The following USP32 variants were observed in gnomAD, a reference collection of about 807,000 sequenced individuals.
USP32 encodes ubiquitin carboxyl-terminal hydrolase 32.
USP32 carries 59 observed loss-of-function variants against 204.8 expected under a neutral mutation model. The observed-to-expected ratio is 0.29, with a 90% CI of 0.23 to 0.36. The LOEUF is 0.36. Among genes scored for constraint, USP32 ranks in the 10% least tolerant of loss-of-function variants. USP32 has a pLI of 1.00. For missense variants in USP32, 1,160 were observed against 1,946.4 expected (o/e 0.60, Z 7.60); for synonymous variants, 517 against 678.4 (o/e 0.76, Z 3.70).
At chr17:60,391,355 CCCT>C (rs2146143598) in intron 1 of USP32, among the ~76,000 whole-genome samples, 1 of 152,280 alleles carries the variant, frequency 6.6e-6, no homozygotes, top group South Asian at 2.1e-4. Flanking sequence ...ATGGCCACAG[CCCT>C]CAAGAGACAG....
chr17:60,183,460 A>G lies in USP32; in HGVS notation c.3835-7T>C. ...ATCGCTTAAGGTGAATAATCTGGAG[A>G]AGTAAAGGTAGAAAACATCTGCATT... is the stretch of plus-strand genomic sequence containing the variant. On this transcript the variant is annotated splice_region_variant and splice_polypyrimidine_tract_variant and intron_variant, in intron 30 of 33. Transcript: ENST00000300896. 1 of 1,582,748 alleles carries G rather than the reference A, an allele frequency of 6.3e-7. No individual in the cohort carries two copies. Among genetic ancestry groups the G allele is most frequent in the Non-Finnish European group, 8.6e-7 (1 of 1,163,598 alleles).
intron 2 of USP32, among the ~76,000 whole-genome samples, chr17:60,338,458 T>C (rs955485530): frequency 1.3e-5 from 2 of 152,012 alleles, no homozygotes. Flanking sequence ...AGGCCAGGCA[T>C]GGTAGCGCAC....
chr17:60,297,561 G>C (rs2087464877), intron 3 of USP32, among the ~76,000 whole-genome samples: 1 of 151,324 alleles, frequency 6.6e-6, no homozygotes, highest in African/African-American at 2.4e-5. Flanking sequence ...CAATTCTCCT[G>C]TCTCAGCCTC....
intron 2 of USP32, among the ~76,000 whole-genome samples, chr17:60,331,374 T>G (rs1286214506): frequency 6.6e-6 from 1 of 151,940 alleles, no homozygotes; most frequent in Non-Finnish European, 1.5e-5. Flanking sequence ...AAGACCAGCC[T>G]GGGGAACATG....
At chr17:60,204,396 T>G (rs1331593835) in intron 26 of USP32, among the ~76,000 whole-genome samples, 1 of 151,858 alleles carries the variant, frequency 6.6e-6, no homozygotes, top group Non-Finnish European at 1.5e-5. Flanking sequence ...GGTGTGAGCA[T>G]CATAGCATAT....
At chr17:60,197,510 A>C (rs1461816491) in intron 27 of USP32, among the ~76,000 whole-genome samples, 1 of 152,212 alleles carries the variant, frequency 6.6e-6, no homozygotes, top group African/African-American at 2.4e-5. Context: ...AGGCTGAGGC[A>C]GGAGATTTTT....
intron 11 of USP32, among the ~76,000 whole-genome samples, 168 bp from the exon 12 acceptor site, chr17:60,236,408 C>A (rs1179132638): frequency 1.3e-5 from 2 of 151,994 alleles, no homozygotes; most frequent in Non-Finnish European, 2.9e-5. Flanking sequence ...TATTGATAAA[C>A]CAATTTCAAG....
chr17:60,363,168 T>G (rs1213142439), intron 1 of USP32, among the ~76,000 whole-genome samples: 2 of 151,574 alleles, frequency 1.3e-5, no homozygotes, highest in African/African-American at 4.8e-5. Context: ...AAAAAAATTT[T>G]TTGAGGCCAG....
chr17:60,331,811 T>A (rs1004352725), intron 2 of USP32, among the ~76,000 whole-genome samples: 2 of 148,422 alleles, frequency 1.3e-5, no homozygotes, highest in Non-Finnish European at 3.0e-5. Flanking sequence ...GGCTGGAGGA[T>A]CACTTGAGCT....
chr17:60,207,218 T>C lies in USP32; in HGVS notation c.2926-86A>G, dbSNP rs918830281. 58 of 1,498,578 alleles carry C rather than the reference T, an allele frequency of 3.9e-5. No individual in the cohort carries two copies. The African/African-American group carries it at 7.0e-4, about 18-fold the overall frequency. The allele number at this position is 1,498,578 out of a possible 1,614,324, so 92.8% of individuals were successfully genotyped here. A position where few individuals can be genotyped will look rare whatever the true frequency, so the allele number is the denominator to read the frequency against. On this transcript the variant is annotated intron_variant, in intron 24 of 33. Coordinates refer to ENST00000300896, the MANE Select transcript of USP32 (RefSeq NM_032582.4). ...CTCTCTAACATATTTCAAAAGAATG[T>C]CTTAGGCGCTTTCATCCGTAAAACC...
At chr17:60,187,207 C>T (rs1377231763) in intron 29 of USP32, among the ~76,000 whole-genome samples, 2 of 152,098 alleles carry the variant, frequency 1.3e-5, no homozygotes, top group Non-Finnish European at 2.9e-5. Flanking sequence ...ATGAGAGTCA[C>T]GAGGCTCTCA....
chr17:60,396,971 G>A (rs1301151678), upstream of USP32, among the ~76,000 whole-genome samples: 2 of 152,182 alleles, frequency 1.3e-5, no homozygotes, highest in South Asian at 4.1e-4. Context: ...ACCAGTGGCT[G>A]CTTTTTCTTC....
intron 2 of USP32, among the ~76,000 whole-genome samples, chr17:60,316,807 C>T (rs2087992032): frequency 6.6e-6 from 1 of 152,108 alleles, no homozygotes; most frequent in Non-Finnish European, 1.5e-5. Flanking sequence ...CACTATTGCA[C>T]TCCAGCCTGG....
intron 30 of USP32, among the ~76,000 whole-genome samples, chr17:60,183,965 G>A (rs1335805712): frequency 6.6e-6 from 1 of 152,102 alleles, no homozygotes. Context: ...TTAATTGTAT[G>A]CTAATTATAC....
intron 24 of USP32, 43 bp from the exon 25 acceptor site, chr17:60,207,175 A>G: frequency 1.9e-6 from 3 of 1,580,182 alleles, no homozygotes; most frequent in Non-Finnish European, 2.6e-6. Context: ...GATGTTTCAG[A>G]TAAAATGGAA....
At chr17:60,290,330 G>A (rs1371913685) in intron 4 of USP32, among the ~76,000 whole-genome samples, 1 of 152,146 alleles carries the variant, frequency 6.6e-6, no homozygotes, top group Non-Finnish European at 1.5e-5. Context: ...AGATCACCCA[G>A]TCTTCATGTA....
rs1345368158 is a variant in USP32, at chr17:60,333,508, G to C, written c.186+11973C>G. The stretch of plus-strand genomic sequence containing the variant: ...CCAGCTACTTGGGACACTAAGGCAG[G>C]AGAGTCACTTGAACCCGGGAGGTGG... On this transcript the variant is annotated intron_variant, in intron 2 of 33. Coordinates refer to ENST00000300896, the MANE Select transcript of USP32 (RefSeq NM_032582.4). Among the ~76,000 whole-genome samples the C allele has an allele frequency of 2.0e-5, 3 of 152,148 alleles. No individual in the cohort carries two copies. In the East Asian group the frequency reaches 5.8e-4, roughly 29 times the overall value.
At chr17:60,316,635 G>A (rs1199063540) in intron 2 of USP32, among the ~76,000 whole-genome samples, 2 of 152,216 alleles carry the variant, frequency 1.3e-5, no homozygotes, top group South Asian at 4.1e-4. Context: ...GAGGTCAGGA[G>A]TTCGAAACCA....
intron 1 of USP32, among the ~76,000 whole-genome samples, chr17:60,360,972 T>C (rs562867201): frequency 6.2e-4 from 94 of 151,888 alleles, no homozygotes; most frequent in African/African-American, 2.2e-3. Context: ...CTACTAAAAA[T>C]ACAAAAATTA....
Sources: allele counts gnomAD v4.1 joint callset (sites outside exome capture counted in the v4.1 genomes callset), GRCh38; gene constraint gnomAD v4.1.1; transcripts MANE v1.5; gene names NCBI Gene and HGNC (gene_info 2026-07-23, HGNC 2026-07-21).